The following LRRC4C variants were observed in gnomAD, a reference collection of about 807,000 sequenced individuals.
LRRC4C encodes leucine-rich repeat-containing protein 4C.
A neutral mutation model predicts 33.6 loss-of-function variants in LRRC4C; 5 were observed. That is an observed-to-expected ratio of 0.15 (90% CI 0.08 to 0.31). The LOEUF is 0.31. LRRC4C is among the 10% of genes least tolerant of loss of function. The pLI, the probability that LRRC4C is intolerant of heterozygous loss-of-function variation, is 1.00. For missense variants in LRRC4C, 560 were observed against 796.7 expected, an observed-to-expected ratio of 0.70 and a Z score of 3.58; for synonymous variants, 329 against 302.0, an observed-to-expected ratio of 1.09 and a Z score of -0.93.
chr11:41,431,394 T>TAGGA (rs889684308), intron 1 of LRRC4C, among the ~76,000 whole-genome samples: 15 of 151,386 alleles, frequency 9.9e-5, no homozygotes, highest in East Asian at 2.0e-4. Flanking sequence ...CTTCCTTCCT[T>TAGGA]AGGAAGGAAG....
intron 4 of LRRC4C, among the ~76,000 whole-genome samples, chr11:40,291,939 T>G (rs941342820): frequency 6.6e-5 from 10 of 151,872 alleles, no homozygotes; most frequent in African/African-American, 1.9e-4. Context: ...AGCTTTTTTT[T>G]TTTTTCCTGG....
intron 2 of LRRC4C, among the ~76,000 whole-genome samples, chr11:40,652,841 C>T (rs1157947699): frequency 6.6e-6 from 1 of 152,168 alleles, no homozygotes; most frequent in Non-Finnish European, 1.5e-5. Context: ...TGTGTCTCTG[C>T]CCAAATCACC....
At chr11:40,556,962 A>G (rs1247876654) in intron 3 of LRRC4C, among the ~76,000 whole-genome samples, 2 of 152,146 alleles carry the variant, frequency 1.3e-5, no homozygotes, top group African/African-American at 4.8e-5. Flanking sequence ...TTTAGGCATC[A>G]TACTCATACA....
chr11:40,829,743 A>C (rs1203102907), intron 2 of LRRC4C, among the ~76,000 whole-genome samples: 2 of 151,970 alleles, frequency 1.3e-5, no homozygotes, highest in African/African-American at 4.8e-5. Context: ...TATTTTTTAA[A>C]ACCCATATAT....
chr11:41,316,262 C>CAAAAAAAAAAAAAAA (rs60671406), intron 1 of LRRC4C, among the ~76,000 whole-genome samples: 66 of 77,982 alleles, frequency 8.5e-4, no homozygotes, highest in African/African-American at 1.9e-3. Context: ...CTCTGGATGG[C>CAAAAAAAAAAAAAAA]AAAAAAAAAA....
chr11:40,225,943 T>A (rs990873850), intron 5 of LRRC4C, among the ~76,000 whole-genome samples: 2 of 152,178 alleles, frequency 1.3e-5, no homozygotes, highest in African/African-American at 4.8e-5. Context: ...CTTACTGACA[T>A]CTTTCTTTAG....
At chr11:40,830,674 G>A (rs1952373258) in intron 2 of LRRC4C, among the ~76,000 whole-genome samples, 1 of 152,074 alleles carries the variant, frequency 6.6e-6, no homozygotes, top group African/African-American at 2.4e-5. Context: ...TTTTATGTCA[G>A]AGTCTCCCTC....
At chr11:40,832,623 T>G (rs1952470085) in intron 2 of LRRC4C, among the ~76,000 whole-genome samples, 1 of 152,074 alleles carries the variant, frequency 6.6e-6, no homozygotes, top group Non-Finnish European at 1.5e-5. Context: ...AAAGCCGCGG[T>G]GGGAATCTAG....
At chr11:40,503,883 T>A (rs1222782118) in intron 3 of LRRC4C, among the ~76,000 whole-genome samples, 2 of 152,196 alleles carry the variant, frequency 1.3e-5, no homozygotes, top group Non-Finnish European at 2.9e-5. Context: ...TGTGTGGATA[T>A]CTTTCTGCAG....
chr11:40,882,175 C>A (rs894534248), intron 2 of LRRC4C, among the ~76,000 whole-genome samples: 3 of 151,924 alleles, frequency 2.0e-5, no homozygotes, highest in African/African-American at 7.3e-5. Context: ...GAATGACTAG[C>A]AGGCCTAAGC....
chr11:40,806,872 A>C (rs545475139), intron 2 of LRRC4C, among the ~76,000 whole-genome samples: 15 of 152,292 alleles, frequency 9.8e-5, no homozygotes, highest in African/African-American at 3.6e-4. Context: ...GCGTATAGCC[A>C]GTCTTGAATT....
intron 3 of LRRC4C, among the ~76,000 whole-genome samples, chr11:40,581,581 C>T (rs1486725894): frequency 1.3e-5 from 2 of 152,122 alleles, no homozygotes; most frequent in Non-Finnish European, 2.9e-5. Flanking sequence ...TACCTCCTGA[C>T]AAAATCACTT....
At chr11:41,015,952 T>C (rs530885967) in intron 1 of LRRC4C, among the ~76,000 whole-genome samples, 22 of 152,216 alleles carry the variant, frequency 1.4e-4, no homozygotes, top group African/African-American at 5.3e-4. Context: ...ATCGCGCCAC[T>C]GCACTCCAGC....
At position 41,318,226 on chromosome 11, in the gene LRRC4C, G is replaced by C. The variant is rs188272404; in HGVS notation, c.-496+141205C>G. 2.1e-4 allele frequency among the ~76,000 whole-genome samples: 32 copies of C among 152,242 alleles called. No homozygotes were observed. In the East Asian group the frequency reaches 3.1e-3, roughly 15 times the overall value. The stretch of plus-strand genomic sequence containing the variant: ...ATTATACATTAATATGTTTACAGTA[G>C]ATATTTTTAGGTGTAGATTTGATGT... On this transcript the variant is annotated intron_variant, in intron 1 of 6. Transcript: ENST00000528697.
At chr11:41,138,393 C>A (rs1256272233) in intron 1 of LRRC4C, among the ~76,000 whole-genome samples, 1 of 152,134 alleles carries the variant, frequency 6.6e-6, no homozygotes, top group Non-Finnish European at 1.5e-5. Flanking sequence ...CTCTAGTACA[C>A]TAGACAGGGG....
intron 1 of LRRC4C, among the ~76,000 whole-genome samples, chr11:41,031,743 G>T (rs979533958): frequency 6.6e-6 from 1 of 152,000 alleles, no homozygotes; most frequent in African/African-American, 2.4e-5. Flanking sequence ...ATGCCAGTTG[G>T]CAACAGATAT....
At chr11:41,404,490 G>GTGTGTC (rs1555166419) in intron 1 of LRRC4C, among the ~76,000 whole-genome samples, 3 of 145,346 alleles carry the variant, frequency 2.1e-5, no homozygotes, top group Non-Finnish European at 4.5e-5. Flanking sequence ...GTCTGTGTGT[G>GTGTGTC]TGTGTGTATA....
chr11:40,933,948 A>G (rs959409135), intron 1 of LRRC4C, among the ~76,000 whole-genome samples: 3 of 152,164 alleles, frequency 2.0e-5, no homozygotes, highest in African/African-American at 7.2e-5. Flanking sequence ...GTCAATCACA[A>G]TATTTGGTTC....
At chr11:40,677,132 T>C (rs1375550422) in intron 2 of LRRC4C, among the ~76,000 whole-genome samples, 1 of 152,290 alleles carries the variant, frequency 6.6e-6, no homozygotes, top group Non-Finnish European at 1.5e-5. Flanking sequence ...ATGCCTGTAA[T>C]CATAGCACTT....
Sources: allele counts gnomAD v4.1 joint callset (sites outside exome capture counted in the v4.1 genomes callset), GRCh38; gene constraint gnomAD v4.1.1; transcripts MANE v1.5; gene names NCBI Gene and HGNC (gene_info 2026-07-23, HGNC 2026-07-21).